The following SLC25A21 variants were observed in gnomAD, a reference collection of about 807,000 sequenced individuals.
SLC25A21 encodes mitochondrial 2-oxodicarboxylate carrier.
A neutral mutation model predicts 43.8 loss-of-function variants in SLC25A21; 47 were observed. The ratio of observed to expected loss-of-function variants is 1.07; its 90% CI spans 0.85 to 1.37. The LOEUF (loss-of-function observed/expected upper bound fraction) is 1.37, where lower values mean the gene tolerates loss of function less well. Among genes scored for constraint, SLC25A21 ranks in the 40% most tolerant of loss-of-function variants. The probability of loss-of-function intolerance (pLI) is 0.00; values close to 1 mark genes in which losing one functional copy is unlikely to be tolerated. For missense variants in SLC25A21, 352 were observed against 350.2 expected (o/e 1.00, Z -0.04); for synonymous variants, 131 against 121.3 (o/e 1.08, Z -0.52).
intron 2 of SLC25A21, among the ~76,000 whole-genome samples, chr14:36,841,205 C>G (rs1214623641): frequency 6.6e-6 from 1 of 152,086 alleles, no homozygotes; most frequent in Non-Finnish European, 1.5e-5. Context: ...AGACATTATC[C>G]TCTTTTAAAA....
At chr14:37,098,663 G>A (rs1461403339) in intron 1 of SLC25A21, 1 of 151,944 alleles carries the variant, frequency 6.6e-6, no homozygotes, top group Middle Eastern at 3.4e-3. Context: ...CTGGGCTGAC[G>A]ACTATTACCT....
At chr14:36,863,185 G>A (rs766901138) in intron 2 of SLC25A21, among the ~76,000 whole-genome samples, 4 of 152,128 alleles carry the variant, frequency 2.6e-5, no homozygotes, top group Admixed American at 6.6e-5. Context: ...CCACTGACAG[G>A]CATGAAGAAT....
intron 3 of SLC25A21, among the ~76,000 whole-genome samples, chr14:36,803,633 T>C (rs1887941893): frequency 6.6e-6 from 1 of 152,198 alleles, no homozygotes; most frequent in Non-Finnish European, 1.5e-5. Context: ...ACTGTGACTA[T>C]GTTAGATTTT....
At chr14:36,745,137 T>G (rs1399762499) in intron 3 of SLC25A21, among the ~76,000 whole-genome samples, 1 of 152,110 alleles carries the variant, frequency 6.6e-6, no homozygotes, top group Non-Finnish European at 1.5e-5. Flanking sequence ...AATGATAGTT[T>G]CCAGCTTCAT....
chr14:37,168,457 T>C (rs1203124538), intron 1 of SLC25A21, among the ~76,000 whole-genome samples: 2 of 152,126 alleles, frequency 1.3e-5, no homozygotes, highest in African/African-American at 4.8e-5. Flanking sequence ...ACCTATATCG[T>C]TATAGAAAAT....
chr14:36,772,601 G>A (rs982004443), intron 3 of SLC25A21, among the ~76,000 whole-genome samples: 4 of 152,134 alleles, frequency 2.6e-5, no homozygotes, highest in Admixed American at 6.5e-5. Context: ...GATGTTGGGC[G>A]GCTGACTAGG....
rs1361942113 is a variant in SLC25A21, at chr14:36,990,874, C to T, written c.71-115870G>A. Among the ~76,000 whole-genome samples the T allele has an allele frequency of 3.3e-5, 5 of 151,410 alleles. No individual in the cohort carries two copies. In the East Asian group the frequency reaches 5.8e-4, roughly 18 times the overall value. ...CCAGCCTGAACTCCAGCCTGAACTC[C>T]AGCCTGGGCAACAGAGTGAGACCCT... On this transcript the variant is annotated intron_variant, in intron 1 of 9. Coordinates refer to ENST00000331299, the MANE Select transcript of SLC25A21 (RefSeq NM_030631.4).
chr14:37,089,400 G>A (rs925608624), intron 1 of SLC25A21, among the ~76,000 whole-genome samples: 13 of 152,124 alleles, frequency 8.5e-5, no homozygotes, highest in African/African-American at 2.2e-4. Flanking sequence ...CCATGTCACC[G>A]TGTAACCCAG....
chr14:36,769,942 G>A (rs730643), intron 3 of SLC25A21, among the ~76,000 whole-genome samples: 68,869 of 152,012 alleles, frequency 0.45, 16,395 homozygotes, highest in East Asian at 0.69. Context: ...AGAAGGCACA[G>A]TCCACATTTC....
At chr14:37,160,923 T>C (rs972335504) in intron 1 of SLC25A21, among the ~76,000 whole-genome samples, 1 of 131,272 alleles carries the variant, frequency 7.6e-6, no homozygotes, top group African/African-American at 2.9e-5. Context: ...GAGTGAGATG[T>C]CATCTCAAAG....
At chr14:36,771,066 C>T (rs1030934285) in intron 3 of SLC25A21, among the ~76,000 whole-genome samples, 6 of 152,186 alleles carry the variant, frequency 3.9e-5, no homozygotes, top group East Asian at 1.9e-4. Context: ...CAACATTCCA[C>T]TGTGATAAAC....
intron 4 of SLC25A21, among the ~76,000 whole-genome samples, chr14:36,731,041 C>T (rs12890596): frequency 0.076 from 11,495 of 150,506 alleles, 673 homozygotes; most frequent in East Asian, 0.27. Flanking sequence ...GGCGCGATCT[C>T]GGCTCACTGC....
intron 1 of SLC25A21, among the ~76,000 whole-genome samples, chr14:37,031,899 T>A (rs1404359976): frequency 2.0e-5 from 3 of 152,144 alleles, no homozygotes. Flanking sequence ...ACAACCACAT[T>A]TTAAAAGAGA....
chr14:36,725,471 G>A, intron 6 of SLC25A21, 99 bp downstream of exon 6: 1 of 521,784 alleles, frequency 1.9e-6, no homozygotes, highest in Non-Finnish European at 2.6e-6. Flanking sequence ...GCAAAACTCT[G>A]TCCCAAAATA....
At chr14:36,793,109 A>T (rs185422741) in intron 3 of SLC25A21, among the ~76,000 whole-genome samples, 1 of 152,294 alleles carries the variant, frequency 6.6e-6, no homozygotes, top group East Asian at 1.9e-4. Context: ...AAGCACATAC[A>T]TAGGTGCACA....
chr14:36,724,096 C>T (rs1289427442), intron 6 of SLC25A21, among the ~76,000 whole-genome samples: 1 of 152,176 alleles, frequency 6.6e-6, no homozygotes, highest in Non-Finnish European at 1.5e-5. Flanking sequence ...CCCTGTTCCG[C>T]ACCATCTTTT....
intron 1 of SLC25A21, among the ~76,000 whole-genome samples, chr14:36,973,519 A>C (rs1346055875): frequency 6.6e-6 from 1 of 152,200 alleles, no homozygotes; most frequent in Non-Finnish European, 1.5e-5. Context: ...AATTTATTGC[A>C]TTAGAGGGAC....
intron 1 of SLC25A21, among the ~76,000 whole-genome samples, chr14:37,168,694 C>G (rs963707671): frequency 3.2e-4 from 49 of 152,116 alleles, no homozygotes; most frequent in South Asian, 6.3e-4. Flanking sequence ...AAAAAGAAGT[C>G]TTGGGGATCA....
At chr14:36,745,148 C>T (rs903399195) in intron 3 of SLC25A21, among the ~76,000 whole-genome samples, 1 of 152,032 alleles carries the variant, frequency 6.6e-6, no homozygotes, top group Admixed American at 6.6e-5. Context: ...CCAGCTTCAT[C>T]CATGTCCCTG....
Sources: allele counts gnomAD v4.1 joint callset (sites outside exome capture counted in the v4.1 genomes callset), GRCh38; gene constraint gnomAD v4.1.1; transcripts MANE v1.5; gene names NCBI Gene and HGNC (gene_info 2026-07-23, HGNC 2026-07-21).